ART3: variants seen among roughly 807,000 people sequenced by gnomAD.
ART3 encodes the protein ecto-ADP-ribosyltransferase 3.
A neutral mutation model predicts 48.5 loss-of-function variants in ART3; 49 were observed. That is an observed-to-expected ratio of 1.01 (90% CI 0.80 to 1.28). ART3 has a LOEUF of 1.28. Among genes scored for constraint, ART3 ranks in the 50% most tolerant of loss-of-function variants. ART3 has a pLI of 0.00. For missense variants in ART3, 438 were observed against 454.3 expected (o/e 0.96, Z 0.33); for synonymous variants, 145 against 157.2 (o/e 0.92, Z 0.58).
intron 2 of ART3, among the ~76,000 whole-genome samples, chr4:76,081,145 T>C (rs558562251): frequency 4.9e-4 from 75 of 152,338 alleles, no homozygotes; most frequent in African/African-American, 1.8e-3. Context: ...TCTCTACCTC[T>C]CAGCTCAGCA....
intron 1 of ART3, among the ~76,000 whole-genome samples, chr4:76,061,779 T>G: frequency 6.6e-6 from 1 of 152,244 alleles, no homozygotes; most frequent in East Asian, 1.9e-4. Context: ...TGGAAGGCCC[T>G]CCTTTCTTTG....
At chr4:76,044,682 T>C (rs1354633261) in intron 1 of ART3, among the ~76,000 whole-genome samples, 2 of 152,038 alleles carry the variant, frequency 1.3e-5, no homozygotes, top group African/African-American at 4.8e-5. Flanking sequence ...TGTCTCTGTT[T>C]CTGACACCCT....
chr4:76,011,767 GC>G (rs1246762282), intron 1 of ART3, among the ~76,000 whole-genome samples: 1 of 152,246 alleles, frequency 6.6e-6, no homozygotes, highest in African/African-American at 2.4e-5. Context: ...GCAGGCTGGG[GC>G]CGCTGCGCCC....
intron 1 of ART3, among the ~76,000 whole-genome samples, chr4:76,051,950 C>G (rs1263984645): frequency 7.2e-6 from 1 of 139,200 alleles, no homozygotes; most frequent in African/African-American, 2.7e-5. Context: ...GCTGCCCAGG[C>G]TGGAGTGGAG....
At chr4:76,011,690 C>G (rs1731807957) in intron 1 of ART3, among the ~76,000 whole-genome samples, 1 of 152,232 alleles carries the variant, frequency 6.6e-6, no homozygotes, top group South Asian at 2.1e-4. Context: ...GGGAGGGCTT[C>G]TCTCGCCTGA....
At chr4:76,043,069 G>A (rs140792689) in intron 1 of ART3, among the ~76,000 whole-genome samples, 19,826 of 150,666 alleles carry the variant, frequency 0.13, 1,835 homozygotes, top group East Asian at 0.38. Flanking sequence ...ACAGAGTGTC[G>A]ATTGGTGCAT....
chr4:76,055,500 G>C (rs4391059), intron 1 of ART3, among the ~76,000 whole-genome samples: 1 of 152,138 alleles, frequency 6.6e-6, no homozygotes, highest in Non-Finnish European at 1.5e-5. Context: ...GTTAAGAAGC[G>C]GGGTCAGAGG....
chr4:76,044,834 G>A (rs1030182497), intron 1 of ART3, among the ~76,000 whole-genome samples: 2 of 151,868 alleles, frequency 1.3e-5, no homozygotes, highest in African/African-American at 4.8e-5. Context: ...CCATTTTGAT[G>A]GCCTTGGTAG....
intron 3 of ART3, among the ~76,000 whole-genome samples, chr4:76,095,910 C>G (rs916999557): frequency 1.3e-5 from 2 of 151,826 alleles, no homozygotes; most frequent in African/African-American, 4.9e-5. Flanking sequence ...CACTCATCTC[C>G]TGCTGAGACA....
At chr4:76,049,526 A>G (rs1241255699) in intron 1 of ART3, among the ~76,000 whole-genome samples, 1 of 151,922 alleles carries the variant, frequency 6.6e-6, no homozygotes, top group South Asian at 2.1e-4. Flanking sequence ...CCCAACTCCA[A>G]AGAGTCAGGG....
At chr4:76,105,691 A>G (rs995771507) in intron 10 of ART3, 1 of 1,044,864 alleles carries the variant, frequency 9.6e-7, no homozygotes, top group African/African-American at 1.7e-5. Flanking sequence ...TCTGCAAGCC[A>G]GACAGGGAAA....
intron 1 of ART3, among the ~76,000 whole-genome samples, chr4:76,040,448 A>ACACACGCG (rs1553926440): frequency 2.0e-5 from 3 of 146,414 alleles, no homozygotes; most frequent in Admixed American, 6.8e-5. Flanking sequence ...ACACACACAC[A>ACACACGCG]CACACACACA....
At chr4:76,011,710 G>A (rs35569453) in intron 1 of ART3, among the ~76,000 whole-genome samples, 1 of 152,166 alleles carries the variant, frequency 6.6e-6, no homozygotes, top group Non-Finnish European at 1.5e-5. Flanking sequence ...ACCCTACTTC[G>A]TGGTGAAACT....
Position 76,074,834 on chromosome 4 carries a change from T to G in ART3, c.-10+15T>G, listed in dbSNP as rs549455178. ...ACAAAAGCCAGGTAAACCTTTTGAC[T>G]TATTTACACTCAGACTAAAGAAATG... On this transcript the variant is annotated intron_variant, in intron 1 of 11. Coordinates refer to ENST00000355810, the MANE Select transcript of ART3 (RefSeq NM_001130016.3). 1 of 152,322 alleles carries G rather than the reference T, an allele frequency of 6.6e-6. No homozygotes were observed. The highest frequency in any genetic ancestry group is 2.4e-5 in the African/African-American group (1 of 41,570). 9.4% of individuals were successfully genotyped at this position (152,322 alleles called of 1,614,324 possible).
intron 1 of ART3, among the ~76,000 whole-genome samples, chr4:76,014,283 G>A (rs1231126809): frequency 2.0e-5 from 3 of 151,496 alleles, no homozygotes; most frequent in Admixed American, 2.0e-4. Flanking sequence ...AAGAACTAAA[G>A]GAAATCATGT....
rs956987575 is a variant in ART3 at position 76,081,894 on chromosome 4, T to C, written c.140T>C (p.Met47Thr). The C allele has an allele frequency of 6.2e-7, 1 of 1,614,172 alleles. No individual in the cohort carries two copies. Among genetic ancestry groups the C allele is most frequent in the Non-Finnish European group, 8.5e-7 (1 of 1,180,026 alleles). ...GAATACCTGAAATGTACGGACAGGA[T>C]GGAAATTAAATACGTTCCCCAACTG... The part of the protein sequence containing the change: ...DDEYLKCTDR[M>T]EIKYVPQLLK... Residue 47 changes from methionine to threonine, a missense_variant, in exon 3 of 12, where the codon ATG becomes ACG. Transcript: ENST00000355810.
At chr4:76,076,755 C>T in intron 2 of ART3, among the ~76,000 whole-genome samples, 1 of 151,872 alleles carries the variant, frequency 6.6e-6, no homozygotes, top group East Asian at 1.9e-4. Context: ...CATTTTTTTT[C>T]TGGCAGAACT....
At chr4:76,018,435 G>A (rs1732457470) in intron 1 of ART3, among the ~76,000 whole-genome samples, 2 of 152,068 alleles carry the variant, frequency 1.3e-5, no homozygotes, top group Admixed American at 6.5e-5. Flanking sequence ...GGACCTACTC[G>A]ACAGTGGGGG....
At chr4:76,104,685 AC>A in intron 10 of ART3, 56 bp downstream of exon 10, 1 of 1,539,000 alleles carries the variant, frequency 6.5e-7, no homozygotes, top group Non-Finnish European at 8.8e-7. Context: ...GAGTACAGTC[AC>A]CATTAGATAT....
Sources: gnomAD v4.1 joint callset for allele counts (sites outside exome capture counted in the v4.1 genomes callset) on GRCh38, gnomAD v4.1.1 for gene constraint, MANE v1.5 for transcripts, NCBI Gene and HGNC (gene_info 2026-07-23, HGNC 2026-07-21) for gene names.